Variants in CLCN1 observed in about 807,000 individuals in gnomAD.
CLCN1 encodes the protein chloride voltage-gated channel 1.
In CLCN1, 100 loss-of-function variants were observed where a neutral mutation model predicts 114.5. The ratio of observed to expected loss-of-function variants is 0.87; its 90% CI spans 0.74 to 1.03. The LOEUF is 1.03. CLCN1 is among the 50% of genes least tolerant of loss of function. The pLI is 0.00. For missense variants in CLCN1, 1,188 were observed against 1,250.0 expected (o/e 0.95, Z 0.75); for synonymous variants, 485 against 487.1 (o/e 1.00, Z 0.06).
At chr7:143,338,942 A>T (rs888892800) in intron 12 of CLCN1, among the ~76,000 whole-genome samples, 3 of 152,220 alleles carry the variant, frequency 2.0e-5, no homozygotes, top group Non-Finnish European at 4.4e-5. Flanking sequence ...CTTTTGGGGC[A>T]GAGAAAGATA....
intron 7 of CLCN1, among the ~76,000 whole-genome samples, chr7:143,325,103 T>C (rs1273830929): frequency 6.6e-6 from 1 of 152,250 alleles, no homozygotes; most frequent in African/African-American, 2.4e-5. Context: ...TTCCTTATCA[T>C]GGATGATTAA....
intron 2 of CLCN1, among the ~76,000 whole-genome samples, chr7:143,320,297 C>T (rs1802390323): frequency 6.6e-6 from 1 of 152,208 alleles, no homozygotes; most frequent in Non-Finnish European, 1.5e-5. Flanking sequence ...AAGGAAAAGG[C>T]ACCTCTCTTC....
At chr7:143,327,477 C>A (rs577790078) in intron 7 of CLCN1, among the ~76,000 whole-genome samples, 2 of 152,058 alleles carry the variant, frequency 1.3e-5, no homozygotes, top group South Asian at 4.1e-4. Flanking sequence ...TCCACCCAAT[C>A]CCTTTGTCAG....
intron 12 of CLCN1, among the ~76,000 whole-genome samples, chr7:143,335,660 TG>T (rs1231480624): frequency 0.012 from 1,377 of 110,374 alleles, 66 homozygotes; most frequent in African/African-American, 0.041. Context: ...TCAGCTGTTT[TG>T]TTTTTTTTTT....
rs535592761 is a variant in CLCN1, at chr7:143,324,713, C to T, written c.853+221C>T. 6.6e-6 allele frequency among the ~76,000 whole-genome samples: 1 copy of T among 152,310 alleles called. No homozygotes were observed. The highest frequency in any genetic ancestry group is 2.1e-4 in the South Asian group (1 of 4,822). On this transcript the variant is annotated intron_variant, in intron 7 of 22. Coordinates refer to ENST00000343257, the MANE Select transcript of CLCN1 (RefSeq NM_000083.3). The surrounding 1 kb of genome is among the most constrained non-coding windows in gnomAD (Gnocchi z 4.6). ...ATTACAGAGGAGGAAGAGGAGAGAACTGAGTTACAGAGAGGGACAGTGACT... is the reference window on the plus strand; with the variant it reads ...ATTACAGAGGAGGAAGAGGAGAGAATTGAGTTACAGAGAGGGACAGTGACT...
At chr7:143,320,561 C>A (rs556575762) in intron 2 of CLCN1, 103 bp from the exon 3 acceptor site, 19 of 716,406 alleles carry the variant, frequency 2.7e-5, no homozygotes, top group Admixed American at 4.8e-5. Flanking sequence ...TTTTCTCTCT[C>A]TCTCTCTCTC....
Position 143,351,815 on chromosome 7 carries a change from T to C in CLCN1, c.2817T>C (p.Pro939=). The C allele has an allele frequency of 6.2e-7, 1 of 1,613,948 alleles. No individual in the cohort carries two copies. Among genetic ancestry groups the C allele is most frequent in the Non-Finnish European group, 8.5e-7 (1 of 1,179,940 alleles). Residue 939 remains proline (P), a synonymous_variant, in exon 23 of 23, where the codon CCT becomes CCC. Coordinates refer to ENST00000343257, the MANE Select transcript of CLCN1 (RefSeq NM_000083.3). ...TGCCATCTCCTTCCCCAGAGCCCCC[T>C]CTCTCCCTGGCCCCAGGCAAGGTAG... The part of the protein sequence containing the change: ...TPVPSPSPEP[P]LSLAPGKVEG...
At chr7:143,326,764 A>C (rs997253266) in intron 7 of CLCN1, among the ~76,000 whole-genome samples, 1 of 152,148 alleles carries the variant, frequency 6.6e-6, no homozygotes, top group Non-Finnish European at 1.5e-5. Flanking sequence ...ATAATAGCAA[A>C]TGAGGCTGGA....
intron 7 of CLCN1, among the ~76,000 whole-genome samples, chr7:143,329,385 G>A (rs1468725803): frequency 1.3e-5 from 2 of 152,250 alleles, no homozygotes; most frequent in Non-Finnish European, 2.9e-5. Context: ...GGATGGTTTC[G>A]ACCTGAAGAG....
chr7:143,322,187 G>A (rs972579747), intron 5 of CLCN1, among the ~76,000 whole-genome samples: 10 of 152,306 alleles, frequency 6.6e-5, no homozygotes, highest in African/African-American at 1.7e-4. Context: ...CAGCTGCATC[G>A]CCCAGTTGTG....
In CLCN1 at chr7:143,323,294, CT is replaced by C; in HGVS notation, c.697-14del. 6.4e-7 allele frequency: 1 copy of C among 1,572,576 alleles called. No individual in the cohort carries two copies. Among genetic ancestry groups the C allele is most frequent in the Non-Finnish European group, 8.8e-7 (1 of 1,142,204 alleles). ...CTGGCCTCTGACCCCCGCCCCCTCG[CT>C]CCCCCTCTCCCAGGGCCCCTTCGTC... is the stretch of plus-strand genomic sequence containing the variant. On this transcript the variant is annotated splice_polypyrimidine_tract_variant and intron_variant, in intron 5 of 22. Coordinates refer to ENST00000343257, the MANE Select transcript of CLCN1 (RefSeq NM_000083.3).
chr7:143,352,053 C>T lies in CLCN1; in HGVS notation c.*88C>T, dbSNP rs769675157. 1.7e-5 allele frequency: 27 copies of T among 1,553,424 alleles called. No individual in the cohort carries two copies. The highest frequency in any genetic ancestry group is 5.4e-5 in the African/African-American group (4 of 73,542). ...GGGGCAGGGTGCGTCCTGAATGTGG[C>T]GAGGTCATGCCAATGTCGTGGCCTC... is the stretch of plus-strand genomic sequence containing the variant. On this transcript the variant is annotated 3_prime_UTR_variant, in exon 23 of 23. Transcript: ENST00000343257.
At chr7:143,340,479 G>T (rs1226374552) in intron 14 of CLCN1, among the ~76,000 whole-genome samples, 1 of 151,968 alleles carries the variant, frequency 6.6e-6, no homozygotes, top group Non-Finnish European at 1.5e-5. Flanking sequence ...ATGCTTTCTT[G>T]GTTGCTCTCT....
At chr7:143,320,411 C>T (rs1295848624) in intron 2 of CLCN1, among the ~76,000 whole-genome samples, 1 of 152,060 alleles carries the variant, frequency 6.6e-6, no homozygotes, top group African/African-American at 2.4e-5. Flanking sequence ...GCTTTGGTGC[C>T]TTTTGCAGGG....
intron 7 of CLCN1, among the ~76,000 whole-genome samples, chr7:143,329,037 G>A (rs996686732): frequency 2.0e-5 from 3 of 150,320 alleles, no homozygotes; most frequent in African/African-American, 7.4e-5. Flanking sequence ...GTGCGATCTC[G>A]GCTCACTGCA....
rs1376198708 is a variant in CLCN1, at chr7:143,346,577, A to T, written c.2285-2A>T. The T allele has an allele frequency of 6.2e-7, 1 of 1,612,414 alleles. No homozygotes were observed. The highest frequency in any genetic ancestry group is 8.5e-7 in the Non-Finnish European group (1 of 1,178,648). On this transcript the variant is annotated splice_acceptor_variant, in intron 18 of 22. Transcript: ENST00000343257. LOFTEE classifies it high-confidence loss of function. ...TTTCCATCCACTCACCTGTCCTCTC[A>T]GGTCAAAGACCCTCCATCTTCCAGT...
In CLCN1 at chr7:143,332,402, C is replaced by T; in HGVS notation, c.1167-17C>T. Reference sequence around the variant, plus strand: ...GAGTTGGCTGAATTGTGGCGGTTAACTCTGTTTCTTTTTCAGCCGCCTGCT... The same window carrying T: ...GAGTTGGCTGAATTGTGGCGGTTAATTCTGTTTCTTTTTCAGCCGCCTGCT... On this transcript the variant is annotated splice_polypyrimidine_tract_variant and intron_variant, in intron 10 of 22. Transcript: ENST00000343257. The T allele has an allele frequency of 6.2e-7, 1 of 1,600,704 alleles. No individual in the cohort carries two copies. Among genetic ancestry groups the T allele is most frequent in the Non-Finnish European group, 8.6e-7 (1 of 1,168,160 alleles).
At position 143,351,927 on chromosome 7, in the gene CLCN1, T is replaced by A; in HGVS notation, c.2929T>A (p.Ser977Thr). 6.2e-7 allele frequency: 1 copy of A among 1,613,554 alleles called. No homozygotes were observed. The highest frequency in any genetic ancestry group is 8.5e-7 in the Non-Finnish European group (1 of 1,180,026). Residue 977 changes from serine to threonine, a missense_variant, in exon 23 of 23, where the codon TCC becomes ACC. Ser to Thr is a moderately conservative substitution (Grantham distance 58, BLOSUM62 1). Transcript: ENST00000343257. ...CATCTTGCAGGGCCCCAGCCTGCGATCCACAGACGAGGAGGATGAGGATGA... is the reference window on the plus strand; with the variant it reads ...CATCTTGCAGGGCCCCAGCCTGCGAACCACAGACGAGGAGGATGAGGATGA... ...ADILQGPSLR[S>T]TDEEDEDELI...
chr7:143,344,986 A>T (rs923830283), intron 16 of CLCN1, among the ~76,000 whole-genome samples: 1 of 152,146 alleles, frequency 6.6e-6, no homozygotes, highest in Admixed American at 6.5e-5. Flanking sequence ...TCCTGACCTC[A>T]GGCGACCCGC....
Sources: gnomAD v4.1 joint callset for allele counts (sites outside exome capture counted in the v4.1 genomes callset) on GRCh38, gnomAD v4.1.1 for gene constraint, Gnocchi (gnomAD v3.1) non-coding constraint, MANE v1.5 for transcripts, NCBI Gene and HGNC (gene_info 2026-07-23, HGNC 2026-07-21) for gene names.